The following CNTN5 variants were observed in gnomAD, a reference collection of about 807,000 sequenced individuals.
The protein encoded by CNTN5 is contactin-5.
A neutral mutation model predicts 129.1 loss-of-function variants in CNTN5; 77 were observed. That is an observed-to-expected ratio of 0.60 (90% CI 0.50 to 0.72). The LOEUF (loss-of-function observed/expected upper bound fraction) is 0.72, where lower values mean the gene tolerates loss of function less well. Ranked by LOEUF, CNTN5 falls within the 30% of genes least tolerant of loss-of-function variation. CNTN5 has a pLI of 0.00. For missense variants in CNTN5, 1,478 were observed against 1,328.8 expected, an observed-to-expected ratio of 1.11 and a Z score of -1.75; for synonymous variants, 509 against 465.6, an observed-to-expected ratio of 1.09 and a Z score of -1.20.
At chr11:99,145,394 A>C (rs1940496) in intron 1 of CNTN5, among the ~76,000 whole-genome samples, 1 of 151,664 alleles carries the variant, frequency 6.6e-6, no homozygotes, top group Non-Finnish European at 1.5e-5. Context: ...TTTTCTGTAG[A>C]TGTGTCTATA....
At chr11:99,127,630 G>C (rs1203611407) in intron 1 of CNTN5, among the ~76,000 whole-genome samples, 1 of 152,152 alleles carries the variant, frequency 6.6e-6, no homozygotes, top group Non-Finnish European at 1.5e-5. Flanking sequence ...CTGATAAGCT[G>C]TATCCACATC....
At chr11:99,696,740 C>T (rs1360835009) in intron 3 of CNTN5, among the ~76,000 whole-genome samples, 1 of 151,682 alleles carries the variant, frequency 6.6e-6, no homozygotes, top group Admixed American at 6.6e-5. Context: ...ATAGTCTCTG[C>T]AGAGATTTCA....
intron 21 of CNTN5, among the ~76,000 whole-genome samples, chr11:100,339,915 C>A (rs534968979): frequency 6.6e-6 from 1 of 152,134 alleles, no homozygotes; most frequent in Non-Finnish European, 1.5e-5. Flanking sequence ...CTTTCTGCCT[C>A]CCTCCACCCT....
At chr11:99,861,716 T>C (rs1049070046) in intron 6 of CNTN5, among the ~76,000 whole-genome samples, 3 of 152,170 alleles carry the variant, frequency 2.0e-5, no homozygotes, top group Non-Finnish European at 4.4e-5. Flanking sequence ...GTCGCAGTAA[T>C]GTAATTTAAC....
chr11:99,278,333 T>C (rs1461669), intron 1 of CNTN5, among the ~76,000 whole-genome samples: 1 of 151,730 alleles, frequency 6.6e-6, no homozygotes, highest in Non-Finnish European at 1.5e-5. Context: ...AGGATGGAGA[T>C]GAGTAAATAT....
intron 8 of CNTN5, among the ~76,000 whole-genome samples, chr11:99,978,871 A>T (rs541067128): frequency 6.6e-6 from 1 of 152,300 alleles, no homozygotes; most frequent in African/African-American, 2.4e-5. Context: ...AATTGTGATG[A>T]TCATCATCAG....
intron 18 of CNTN5, among the ~76,000 whole-genome samples, chr11:100,285,648 C>G (rs1950765259): frequency 6.6e-6 from 1 of 152,182 alleles, no homozygotes; most frequent in South Asian, 2.1e-4. Context: ...TCTTTGCTTT[C>G]TAGTTATTTT....
intron 9 of CNTN5, among the ~76,000 whole-genome samples, chr11:100,020,281 T>C (rs568766020): frequency 6.6e-6 from 1 of 152,252 alleles, no homozygotes; most frequent in South Asian, 2.1e-4. Context: ...CATTTAAGTC[T>C]TTAATCCATT....
At chr11:99,899,839 G>C (rs1949307585) in intron 6 of CNTN5, among the ~76,000 whole-genome samples, 1 of 151,888 alleles carries the variant, frequency 6.6e-6, no homozygotes, top group African/African-American at 2.4e-5. Flanking sequence ...GTAAAATTTG[G>C]CTTTGAATTC....
chr11:99,248,914 G>C (rs916858128), intron 1 of CNTN5, among the ~76,000 whole-genome samples: 1 of 152,138 alleles, frequency 6.6e-6, no homozygotes, highest in Non-Finnish European at 1.5e-5. Context: ...CTCCAGCTTT[G>C]TTCTTTTGAC....
intron 13 of CNTN5, among the ~76,000 whole-genome samples, chr11:100,143,464 G>T (rs1481481704): frequency 2.0e-5 from 3 of 152,010 alleles, no homozygotes; most frequent in African/African-American, 7.2e-5. Context: ...GCAAAACCTA[G>T]TTATACTAGG....
At chr11:99,806,739 A>G (rs1946282586) in intron 3 of CNTN5, among the ~76,000 whole-genome samples, 1 of 151,476 alleles carries the variant, frequency 6.6e-6, no homozygotes, top group South Asian at 2.1e-4. Flanking sequence ...CCTGGGAGGC[A>G]GAGGTGGCAG....
At chr11:99,639,233 A>G (rs980338905) in intron 3 of CNTN5, among the ~76,000 whole-genome samples, 6 of 152,176 alleles carry the variant, frequency 3.9e-5, no homozygotes, top group Non-Finnish European at 5.9e-5. Context: ...GCTGGGACAC[A>G]GAGCACCAAG....
At chr11:99,328,590 G>T (rs369722556) in intron 2 of CNTN5, among the ~76,000 whole-genome samples, 1 of 152,032 alleles carries the variant, frequency 6.6e-6, no homozygotes, top group Non-Finnish European at 1.5e-5. Flanking sequence ...GCCTAGTAAG[G>T]TTGGACATGG....
At chr11:99,688,157 A>G (rs976837988) in intron 3 of CNTN5, among the ~76,000 whole-genome samples, 7 of 152,322 alleles carry the variant, frequency 4.6e-5, no homozygotes, top group African/African-American at 1.7e-4. Flanking sequence ...GTTAAAGGAA[A>G]CAGAGTAGTC....
At chr11:99,175,613 C>T (rs1211263235) in intron 1 of CNTN5, among the ~76,000 whole-genome samples, 1 of 152,144 alleles carries the variant, frequency 6.6e-6, no homozygotes, top group African/African-American at 2.4e-5. Flanking sequence ...TATCCCAACT[C>T]ATTAGGAACA....
intron 8 of CNTN5, among the ~76,000 whole-genome samples, chr11:99,961,437 A>G (rs1950944418): frequency 6.6e-6 from 1 of 152,156 alleles, no homozygotes; most frequent in African/African-American, 2.4e-5. Context: ...TGAAAGAATG[A>G]GGAAGGATTG....
At chr11:100,251,676 C>T (rs1949966322) in intron 16 of CNTN5, among the ~76,000 whole-genome samples, 1 of 151,964 alleles carries the variant, frequency 6.6e-6, no homozygotes, top group Non-Finnish European at 1.5e-5. Context: ...TGGTGTTTAA[C>T]TTTCTCTTCC....
At chr11:99,247,690 C>T (rs1043677351) in intron 1 of CNTN5, among the ~76,000 whole-genome samples, 1 of 151,970 alleles carries the variant, frequency 6.6e-6, no homozygotes, top group African/African-American at 2.4e-5. Context: ...CAATTCCCAC[C>T]TATCAGTGAG....
Sources: allele counts gnomAD v4.1 joint callset (sites outside exome capture counted in the v4.1 genomes callset), GRCh38; gene constraint gnomAD v4.1.1; transcripts MANE v1.5; gene names NCBI Gene and HGNC (gene_info 2026-07-23, HGNC 2026-07-21).